Variants in ZEB1 observed in about 807,000 individuals in gnomAD.
The protein encoded by ZEB1 is zinc finger E-box-binding homeobox 1.
ZEB1 carries 21 observed loss-of-function variants against 84.9 expected under a neutral mutation model. The observed-to-expected ratio is 0.25, with a 90% CI of 0.18 to 0.36. The LOEUF (loss-of-function observed/expected upper bound fraction) is 0.36. Ranked by LOEUF, ZEB1 falls within the 10% of genes least tolerant of loss-of-function variation. The pLI is 1.00. For synonymous variants in ZEB1, 420 were observed against 471.1 expected (o/e 0.89, Z 1.41); for missense variants, 1,104 against 1,330.2 (o/e 0.83, Z 2.65).
At chr10:31,383,543 T>G (rs2048077038) in intron 1 of ZEB1, among the ~76,000 whole-genome samples, 1 of 152,216 alleles carries the variant, frequency 6.6e-6, no homozygotes, top group African/African-American at 2.4e-5. Flanking sequence ...GGTAATTTTT[T>G]TAAAATGCTA....
chr10:31,452,519 T>A (rs983507909), intron 1 of ZEB1, among the ~76,000 whole-genome samples: 1 of 152,258 alleles, frequency 6.6e-6, no homozygotes, highest in Non-Finnish European at 1.5e-5. Context: ...TGTACCTGTT[T>A]GCCTGGTCTG....
intron 1 of ZEB1, among the ~76,000 whole-genome samples, chr10:31,328,615 C>A (rs2036097469): frequency 6.6e-6 from 1 of 152,024 alleles, no homozygotes; most frequent in Non-Finnish European, 1.5e-5. Flanking sequence ...AGACCTTGGA[C>A]AAAGCTGTTA....
At chr10:31,363,167 C>G in intron 1 of ZEB1, 1 of 1,533,970 alleles carries the variant, frequency 6.5e-7, no homozygotes, top group South Asian at 1.2e-5. Flanking sequence ...TCCTCCCCCA[C>G]CATCAGCAAG....
At chr10:31,464,304 G>A (rs1015464241) in intron 2 of ZEB1, among the ~76,000 whole-genome samples, 2 of 152,020 alleles carry the variant, frequency 1.3e-5, no homozygotes, top group African/African-American at 2.4e-5. Flanking sequence ...AGTGAGCCGA[G>A]ATGATGCCAC....
intron 2 of ZEB1, among the ~76,000 whole-genome samples, chr10:31,476,758 C>G (rs1003024808): frequency 2.0e-5 from 3 of 151,876 alleles, no homozygotes; most frequent in Non-Finnish European, 4.4e-5. Context: ...TCAACATTTG[C>G]AAGTCAGTAA....
At chr10:31,379,137 G>A (rs1367882269) in intron 1 of ZEB1, among the ~76,000 whole-genome samples, 1 of 151,974 alleles carries the variant, frequency 6.6e-6, no homozygotes, top group East Asian at 1.9e-4. Context: ...GGGAGTATCA[G>A]TTAGTTACAG....
At chr10:31,495,324 C>T (rs1386558272) in intron 2 of ZEB1, among the ~76,000 whole-genome samples, 1 of 151,948 alleles carries the variant, frequency 6.6e-6, no homozygotes, top group African/African-American at 2.4e-5. Context: ...GAGCTCTTTT[C>T]CCAAAATAGT....
At chr10:31,467,369 G>A (rs1184893635) in intron 2 of ZEB1, among the ~76,000 whole-genome samples, 1 of 152,050 alleles carries the variant, frequency 6.6e-6, no homozygotes, top group African/African-American at 2.4e-5. Context: ...GGCTACATCT[G>A]CTGTCTGCCA....
intron 2 of ZEB1, among the ~76,000 whole-genome samples, chr10:31,491,519 T>C (rs2066521933): frequency 6.6e-6 from 1 of 151,792 alleles, no homozygotes; most frequent in Admixed American, 6.6e-5. Context: ...GGGCCCACTT[T>C]CAGGTTTTAA....
intron 1 of ZEB1, chr10:31,321,744 A>T (rs1026593429): frequency 1.4e-5 from 9 of 656,350 alleles, no homozygotes; most frequent in Admixed American, 1.0e-4. Context: ...TACACTCGTA[A>T]GGCATATCAA....
At position 31,527,156 on chromosome 10, in the gene ZEB1, T is replaced by C; in HGVS notation, c.3270T>C (p.Thr1090=). Residue 1090 remains threonine, a synonymous_variant, in exon 9 of 9, where the codon ACT becomes ACC. Coordinates refer to ENST00000424869, the MANE Select transcript of ZEB1 (RefSeq NM_001174096.2). ...EAENEGEEAK[T]EGLMKDDRAE... is the part of the protein sequence containing the mutation. ...AGAATGAGGGAGAAGAAGCAAAAAC[T>C]GAAGGTCTGATGAAGGATGACAGGG... The C allele has an allele frequency of 1.9e-6, 3 of 1,610,162 alleles. No individual in the cohort carries two copies. Among genetic ancestry groups the C allele is most frequent in the Non-Finnish European group, 2.5e-6 (3 of 1,178,086 alleles).
chr10:31,319,406 A>C, intron 1 of ZEB1, 114 bp downstream of exon 1: 1 of 1,051,586 alleles, frequency 9.5e-7, no homozygotes, highest in Non-Finnish European at 1.4e-6. Flanking sequence ...CAGGGACGGC[A>C]AAGTGGAGTG....
At chr10:31,459,453 A>G (rs192627211) in intron 1 of ZEB1, among the ~76,000 whole-genome samples, 181 of 152,104 alleles carry the variant, frequency 1.2e-3, no homozygotes, top group Non-Finnish European at 1.7e-3. Flanking sequence ...ATTTGCCATT[A>G]TTTTTATCTT....
chr10:31,337,681 C>G (rs1482015110), intron 1 of ZEB1, among the ~76,000 whole-genome samples: 1 of 108,454 alleles, frequency 9.2e-6, no homozygotes, highest in African/African-American at 4.5e-5. Flanking sequence ...TAATTTCTTT[C>G]TGTTTTTTTT....
upstream of ZEB1, chr10:31,319,029 T>C: frequency 1.7e-6 from 1 of 600,496 alleles, no homozygotes; most frequent in Non-Finnish European, 3.1e-6. Flanking sequence ...GTGCCCACGG[T>C]TGCCGCAAAC....
intron 1 of ZEB1, chr10:31,321,135 T>G: frequency 9.7e-7 from 1 of 1,030,652 alleles, no homozygotes; most frequent in Non-Finnish European, 1.2e-6. Flanking sequence ...CTGGGCTCCC[T>G]TTCTCCCTCC....
rs926535534 is a variant in ZEB1 at position 31,445,023 on chromosome 10, G to A, written c.59-16014G>A. 8.2e-4 allele frequency among the ~76,000 whole-genome samples: 123 copies of A among 150,452 alleles called. 2 individuals are homozygous for A. Among genetic ancestry groups the A allele is most frequent in the African/African-American group, 2.5e-3 (101 of 39,830 alleles). On this transcript the variant is annotated intron_variant, in intron 1 of 8. Coordinates refer to ENST00000424869, the MANE Select transcript of ZEB1 (RefSeq NM_001174096.2). ...CCTTGGGCAGTATGGCCATTTTCGC[G>A]ATATTGATTCTTCCTATCCATGAGC...
At chr10:31,419,749 T>C (rs546099810) in intron 1 of ZEB1, among the ~76,000 whole-genome samples, 56 of 152,154 alleles carry the variant, frequency 3.7e-4, no homozygotes, top group Non-Finnish European at 5.1e-4. Context: ...TTGCCAAGGG[T>C]GAAAACAAAG....
At chr10:31,416,133 C>T (rs936769391) in intron 1 of ZEB1, among the ~76,000 whole-genome samples, 2 of 151,866 alleles carry the variant, frequency 1.3e-5, no homozygotes, top group Non-Finnish European at 2.9e-5. Flanking sequence ...TTTCAGATTT[C>T]AAATATGAAG....
Sources: allele counts gnomAD v4.1 joint callset (sites outside exome capture counted in the v4.1 genomes callset), GRCh38; gene constraint gnomAD v4.1.1; transcripts MANE v1.5; gene names NCBI Gene and HGNC (gene_info 2026-07-23, HGNC 2026-07-21).